Variants in GAREM1 observed in about 807,000 individuals in gnomAD.
GAREM1 encodes GRB2-associated and regulator of MAPK protein 1.
In GAREM1, 26 loss-of-function variants were observed where a neutral mutation model predicts 71.3. The observed-to-expected ratio is 0.36, with a 90% CI of 0.27 to 0.51. The LOEUF is 0.51. Among genes scored for constraint, GAREM1 ranks in the 20% least tolerant of loss-of-function variants. The pLI is 0.95. For synonymous variants in GAREM1, 440 were observed against 433.2 expected (o/e 1.02, Z -0.20); for missense variants, 1,026 against 1,103.1 (o/e 0.93, Z 0.99).
At chr18:32,454,085 T>A (rs1441021906) in intron 1 of GAREM1, among the ~76,000 whole-genome samples, 2 of 152,192 alleles carry the variant, frequency 1.3e-5, no homozygotes. Context: ...TTACCTGTTG[T>A]TAAATGAGTA....
rs1260942427 is a variant in GAREM1, at chr18:32,264,711, A to G, written c.*3160T>C. On this transcript the variant is annotated 3_prime_UTR_variant, in exon 6 of 6. Transcript: ENST00000269209. Reference sequence around the variant, plus strand: ...AATTTCACAGTTCATAAAGTTGAGCAGCTCAACTTAAAGAAGAGAAAACTT... The same window carrying G: ...AATTTCACAGTTCATAAAGTTGAGCGGCTCAACTTAAAGAAGAGAAAACTT... 6.6e-6 allele frequency: 1 copy of G among 152,266 alleles called. No homozygotes were observed. Among genetic ancestry groups the G allele is most frequent in the African/African-American group, 2.4e-5 (1 of 41,472 alleles). The allele number at this position is 152,266 out of a possible 1,614,324, so 9.4% of individuals were successfully genotyped here.
chr18:32,295,155 C>A (rs2047128047), intron 3 of GAREM1, among the ~76,000 whole-genome samples: 1 of 152,038 alleles, frequency 6.6e-6, no homozygotes, highest in Non-Finnish European at 1.5e-5. Context: ...ACCTCTGCCT[C>A]CCGGGTTCAA....
intron 1 of GAREM1, among the ~76,000 whole-genome samples, chr18:32,393,764 C>T (rs905067116): frequency 8.5e-5 from 13 of 152,080 alleles, no homozygotes; most frequent in Middle Eastern, 3.2e-3. Context: ...GGCATTTGAA[C>T]GGATGACAAA....
chr18:32,458,807 A>T (rs2048922837), intron 1 of GAREM1, among the ~76,000 whole-genome samples: 1 of 152,106 alleles, frequency 6.6e-6, no homozygotes, highest in Non-Finnish European at 1.5e-5. Context: ...ATATTCAATG[A>T]TATACAAAAT....
chr18:32,388,103 G>C (rs2048165300), intron 2 of GAREM1, among the ~76,000 whole-genome samples: 1 of 152,022 alleles, frequency 6.6e-6, no homozygotes, highest in Non-Finnish European at 1.5e-5. Context: ...AAAATGAAGG[G>C]GGCATGTCAC....
At chr18:32,430,570 G>T (rs11081764) in intron 1 of GAREM1, among the ~76,000 whole-genome samples, 32,758 of 151,936 alleles carry the variant, frequency 0.22, 4,124 homozygotes, top group East Asian at 0.38. Flanking sequence ...GTTTCTCCAC[G>T]GAATGCAGTT....
At chr18:32,327,450 A>G (rs1007451659) in intron 2 of GAREM1, among the ~76,000 whole-genome samples, 2 of 152,232 alleles carry the variant, frequency 1.3e-5, no homozygotes, top group African/African-American at 4.8e-5. Flanking sequence ...TGCAAACAAA[A>G]GACTATACAC....
chr18:32,419,497 T>C (rs1200847821), intron 1 of GAREM1, among the ~76,000 whole-genome samples: 1 of 152,052 alleles, frequency 6.6e-6, no homozygotes, highest in African/African-American at 2.4e-5. Context: ...GTTGGCAGCC[T>C]CCAATCTGCA....
At chr18:32,466,649 C>T (rs933082153) in intron 1 of GAREM1, among the ~76,000 whole-genome samples, 8 of 152,118 alleles carry the variant, frequency 5.3e-5, no homozygotes, top group Non-Finnish European at 1.0e-4. Flanking sequence ...GAACAATTTC[C>T]CACCCATCCA....
intron 1 of GAREM1, among the ~76,000 whole-genome samples, chr18:32,462,116 C>G (rs1276657447): frequency 6.6e-6 from 1 of 152,214 alleles, no homozygotes; most frequent in Non-Finnish European, 1.5e-5. Context: ...ACACTTATTT[C>G]CTTTGGATAT....
intron 2 of GAREM1, among the ~76,000 whole-genome samples, chr18:32,390,012 G>A (rs1175640798): frequency 6.6e-6 from 1 of 151,990 alleles, no homozygotes; most frequent in African/African-American, 2.4e-5. Context: ...ACAAAAAATT[G>A]ACAAGTTGGC....
At chr18:32,380,623 A>G (rs1293189888) in intron 2 of GAREM1, among the ~76,000 whole-genome samples, 1 of 152,110 alleles carries the variant, frequency 6.6e-6, no homozygotes, top group Non-Finnish European at 1.5e-5. Context: ...TGGGTTTTCC[A>G]ACTTGGCACC....
chr18:32,416,511 G>C (rs1375065508), intron 1 of GAREM1, among the ~76,000 whole-genome samples: 1 of 152,026 alleles, frequency 6.6e-6, no homozygotes, highest in Non-Finnish European at 1.5e-5. Flanking sequence ...CATGGTACTG[G>C]CATAACAACA....
At chr18:32,458,157 ATAAT>A (rs968616783) in intron 1 of GAREM1, among the ~76,000 whole-genome samples, 15 of 152,262 alleles carry the variant, frequency 9.9e-5, no homozygotes, top group African/African-American at 3.6e-4. Flanking sequence ...ACATGTAAAA[ATAAT>A]TAAATATTTT....
At chr18:32,393,180 G>GTTTTT in intron 1 of GAREM1, 145 bp from the exon 2 acceptor site, 3 of 451,630 alleles carry the variant, frequency 6.6e-6, no homozygotes, top group Admixed American at 4.0e-5. Flanking sequence ...CCTCTGAATT[G>GTTTTT]TTTTTTTTTT....
At chr18:32,402,295 T>C (rs933828130) in intron 1 of GAREM1, among the ~76,000 whole-genome samples, 1 of 152,178 alleles carries the variant, frequency 6.6e-6, no homozygotes, top group African/African-American at 2.4e-5. Context: ...GGGATATGCT[T>C]GGATTTTACT....
intron 2 of GAREM1, among the ~76,000 whole-genome samples, chr18:32,310,674 A>C (rs1395763764): frequency 6.6e-6 from 1 of 152,202 alleles, no homozygotes; most frequent in Non-Finnish European, 1.5e-5. Flanking sequence ...CATTGAAGTT[A>C]CCTTGCCCAT....
intron 2 of GAREM1, among the ~76,000 whole-genome samples, chr18:32,373,416 G>A (rs1469313665): frequency 4.6e-5 from 7 of 152,204 alleles, no homozygotes; most frequent in Non-Finnish European, 1.0e-4. Context: ...TGCCCAACAT[G>A]AAGGTATTTG....
At position 32,307,765 on chromosome 18, in the gene GAREM1, C is replaced by T. The variant is rs995122285; in HGVS notation, c.393+2428G>A. ...CTTGAACTCCTGACCTCAGGTGATC[C>T]ACCTGCCTCAGCCTCCCAAAGTGCT... On this transcript the variant is annotated intron_variant, in intron 3 of 5. Transcript: ENST00000269209. Among the ~76,000 whole-genome samples, 16 of 152,114 alleles carry T rather than the reference C, an allele frequency of 1.1e-4. 1 individual carries two copies. Among genetic ancestry groups the T allele is most frequent in the Non-Finnish European group, 2.9e-5 (2 of 68,020 alleles).
Sources: gnomAD v4.1 joint callset for allele counts (sites outside exome capture counted in the v4.1 genomes callset) on GRCh38, gnomAD v4.1.1 for gene constraint, MANE v1.5 for transcripts, NCBI Gene and HGNC (gene_info 2026-07-23, HGNC 2026-07-21) for gene names.